Variants in PRTG observed in about 807,000 individuals in gnomAD.
PRTG encodes immunoglobulin superfamily, DCC subclass, member 5.
PRTG carries 67 observed loss-of-function variants against 122.5 expected under a neutral mutation model. The ratio of observed to expected loss-of-function variants is 0.55; its 90% CI spans 0.45 to 0.67. PRTG has a LOEUF of 0.67. PRTG is among the 30% of genes least tolerant of loss of function. The probability of loss-of-function intolerance (pLI) is 0.00; values close to 1 mark genes in which losing one functional copy is unlikely to be tolerated. For synonymous variants in PRTG, 554 were observed against 501.1 expected (o/e 1.11, Z -1.41); for missense variants, 1,435 against 1,415.4 (o/e 1.01, Z -0.22).
intron 15 of PRTG, among the ~76,000 whole-genome samples, chr15:55,636,124 A>T (rs2141728879): frequency 6.6e-6 from 1 of 151,968 alleles, no homozygotes; most frequent in South Asian, 2.1e-4. Flanking sequence ...AAAAAAAAAA[A>T]TGCAAGATTT....
At chr15:55,730,347 C>T (rs1169428073) in intron 2 of PRTG, among the ~76,000 whole-genome samples, 6 of 152,140 alleles carry the variant, frequency 3.9e-5, no homozygotes, top group Non-Finnish European at 5.9e-5. Context: ...AGTGATTCTC[C>T]CACCTCGGCC....
At chr15:55,715,479 C>T (rs557703967) in intron 2 of PRTG, among the ~76,000 whole-genome samples, 2 of 152,260 alleles carry the variant, frequency 1.3e-5, no homozygotes, top group South Asian at 2.1e-4. Context: ...CCTGAGCAGA[C>T]GTGGGGCCTT....
intron 18 of PRTG, 33 bp from the exon 19 acceptor site, chr15:55,620,800 T>C (rs761452276): frequency 2.0e-5 from 31 of 1,542,500 alleles, no homozygotes; most frequent in African/African-American, 5.6e-5. Flanking sequence ...ATGTAAAATA[T>C]CCTGGTATCA....
rs1213519387 is a variant in PRTG at position 55,620,738 on chromosome 15, A to G, written c.3123T>C (p.Tyr1041=). Residue 1041 remains tyrosine (Y), a synonymous_variant, in exon 19 of 20, where the codon TAT becomes TAC. Coordinates refer to ENST00000389286, the MANE Select transcript of PRTG (RefSeq NM_173814.6). ...KGGTDLIINS[Y]GPIIKNNSKK... is the part of the protein sequence containing the mutation. The stretch of plus-strand genomic sequence containing the variant: ...TAGAGTTGTTTTTAATTATAGGACC[A>G]TAGCTATTAATTATCAGGTCAGTTC... The G allele has an allele frequency of 3.8e-6, 6 of 1,596,842 alleles. No individual in the cohort carries two copies. The highest frequency in any genetic ancestry group is 5.1e-6 in the Non-Finnish European group (6 of 1,175,446).
intron 13 of PRTG, 133 bp from the exon 14 acceptor site, chr15:55,638,809 T>C (rs1359439825): frequency 2.7e-6 from 2 of 728,770 alleles, no homozygotes; most frequent in African/African-American, 3.7e-5. Context: ...AAAAAATGTT[T>C]AGACTAAAGA....
chr15:55,704,585 C>A (rs938856814), intron 2 of PRTG, among the ~76,000 whole-genome samples: 5 of 152,202 alleles, frequency 3.3e-5, no homozygotes, highest in Non-Finnish European at 7.3e-5. Context: ...TCTCCTTTCT[C>A]TTCCACATAA....
chr15:55,680,178 T>A lies in PRTG; in HGVS notation c.849A>T (p.Val283=). 6.2e-7 allele frequency: 1 copy of A among 1,611,312 alleles called. No homozygotes were observed. The highest frequency in any genetic ancestry group is 2.2e-5 in the East Asian group (1 of 44,842). Residue 283 remains valine, a synonymous_variant, in exon 6 of 20, where the codon GTA becomes GTT. Coordinates refer to ENST00000389286, the MANE Select transcript of PRTG (RefSeq NM_173814.6). ...HKSIDVFNTR[V]LGNGNLMISD... is the part of the protein sequence containing the mutation. ...ATATCATGAGATTACCATTTCCAAGTACCCGAGTATTAAAGACATCAATGG... is the reference window on the plus strand; with the variant it reads ...ATATCATGAGATTACCATTTCCAAGAACCCGAGTATTAAAGACATCAATGG...
intron 2 of PRTG, among the ~76,000 whole-genome samples, chr15:55,705,882 G>T (rs11857453): frequency 0.59 from 83,491 of 140,744 alleles, 25,506 homozygotes; most frequent in Non-Finnish European, 0.69. Flanking sequence ...CTGAGAAGGA[G>T]TCTCACTCTG....
chr15:55,665,729 A>G (rs1407709044), intron 11 of PRTG, among the ~76,000 whole-genome samples: 1 of 151,946 alleles, frequency 6.6e-6, no homozygotes, highest in African/African-American at 2.4e-5. Context: ...TATTTTTAGT[A>G]GAGACAGGGT....
At chr15:55,693,155 A>AT (rs1322917604) in intron 2 of PRTG, among the ~76,000 whole-genome samples, 9 of 151,920 alleles carry the variant, frequency 5.9e-5, no homozygotes, top group Non-Finnish European at 8.8e-5. Context: ...AGCCAAGGAT[A>AT]TTTTTTTAAA....
At chr15:55,742,709 G>T in intron 1 of PRTG, 129 bp downstream of exon 1, 1 of 1,121,772 alleles carries the variant, frequency 8.9e-7, no homozygotes, top group Non-Finnish European at 1.3e-6. Context: ...AGCGGGGGCC[G>T]GGGGTCAGCG....
In PRTG at chr15:55,624,375, T is replaced by A. The variant is rs1307314490; in HGVS notation, c.3060A>T (p.Pro1020=). ...CAATGAAGCTGTTTGGCATGATCAT[T>A]GGCATTAAAGATTCTTCATTTCCTA... ...GAVGNEESLM[P]MIMPNSFIDA... is the part of the protein sequence containing the mutation. Residue 1020 remains proline (P), a synonymous_variant, in exon 18 of 20, where the codon CCA becomes CCT. Coordinates refer to ENST00000389286, the MANE Select transcript of PRTG (RefSeq NM_173814.6). The A allele has an allele frequency of 2.5e-6, 4 of 1,614,034 alleles. No homozygotes were observed. The highest frequency in any genetic ancestry group is 1.7e-6 in the Non-Finnish European group (2 of 1,179,998).
chr15:55,629,984 A>AT (rs1169581862), intron 15 of PRTG, among the ~76,000 whole-genome samples: 1,348 of 125,244 alleles, frequency 0.011, 13 homozygotes, highest in Middle Eastern at 0.014. Context: ...CACCAGGTTA[A>AT]TTTTTTTTTT....
Position 55,638,598 on chromosome 15 carries a change from C to T in PRTG, c.2403G>A (p.Gln801=), listed in dbSNP as rs1202494956. 1 of 1,613,546 alleles carries T rather than the reference C, an allele frequency of 6.2e-7. No individual in the cohort carries two copies. The highest frequency in any genetic ancestry group is 1.3e-5 in the African/African-American group (1 of 75,014). Reference sequence around the variant, plus strand: ...CTACAGGGCTCCAAGGACTGGAAAGCTGATCCACATGTAATCGAACGGCAA... The same window carrying T: ...CTACAGGGCTCCAAGGACTGGAAAGTTGATCCACATGTAATCGAACGGCAA... The part of the protein sequence containing the change: ...YEFAVRLHVD[Q]LSSPWSPVVY... Residue 801 remains glutamine, a synonymous_variant, in exon 14 of 20, where the codon CAG becomes CAA. Coordinates refer to ENST00000389286, the MANE Select transcript of PRTG (RefSeq NM_173814.6).
intron 11 of PRTG, among the ~76,000 whole-genome samples, chr15:55,653,309 C>T (rs2059363109): frequency 6.6e-6 from 1 of 152,078 alleles, no homozygotes; most frequent in African/African-American, 2.4e-5. Context: ...TGCTCCCACC[C>T]CCCATAGGGT....
In PRTG at chr15:55,617,095, A is replaced by C. The variant is rs1472462556; in HGVS notation, c.*2917T>G. On this transcript the variant is annotated 3_prime_UTR_variant, in exon 20 of 20. Transcript: ENST00000389286. ...TAATACCACTATGAAAAATGAGTGA[A>C]AATCTTCACATTTTAATTACAATTT... 1 of 152,152 alleles carries C rather than the reference A, an allele frequency of 6.6e-6. No individual in the cohort carries two copies. Among genetic ancestry groups the C allele is most frequent in the Non-Finnish European group, 1.5e-5 (1 of 67,988 alleles). The allele number at this position is 152,152 out of a possible 1,614,324, so 9.4% of individuals were successfully genotyped here.
intron 6 of PRTG, 99 bp from the exon 7 acceptor site, chr15:55,679,544 G>C: frequency 3.6e-6 from 3 of 834,462 alleles, no homozygotes; most frequent in Middle Eastern, 3.5e-4. Flanking sequence ...CCCCATTCCT[G>C]AAGATGCCTG....
chr15:55,641,688 C>T (rs901127873), intron 11 of PRTG, among the ~76,000 whole-genome samples: 5 of 152,048 alleles, frequency 3.3e-5, no homozygotes, highest in African/African-American at 7.2e-5. Context: ...TTCTTTAGTA[C>T]CTTTGAAAAC....
chr15:55,620,009 G>A lies in PRTG; in HGVS notation c.*3C>T, dbSNP rs544145523. 57 of 1,613,902 alleles carry A rather than the reference G, an allele frequency of 3.5e-5. 1 individual carries two copies. In the South Asian group the frequency reaches 5.7e-4, roughly 16 times the overall value. On this transcript the variant is annotated 3_prime_UTR_variant, in exon 20 of 20. Coordinates refer to ENST00000389286, the MANE Select transcript of PRTG (RefSeq NM_173814.6). ...TCCACCTGAATCACTGCCAGTGAAA[G>A]AATCAGAGGTTGGGGGGTGTGGTAC...
Sources: gnomAD v4.1 joint callset for allele counts (sites outside exome capture counted in the v4.1 genomes callset) on GRCh38, gnomAD v4.1.1 for gene constraint, MANE v1.5 for transcripts, NCBI Gene and HGNC (gene_info 2026-07-23, HGNC 2026-07-21) for gene names.